The following PALLD variants were observed in gnomAD, a reference collection of about 807,000 sequenced individuals.
The protein encoded by PALLD is palladin.
Under a neutral mutation model 123.5 loss-of-function variants are expected in PALLD, and 61 were observed. The ratio of observed to expected loss-of-function variants is 0.49; its 90% confidence interval spans 0.40 to 0.61. The LOEUF (loss-of-function observed/expected upper bound fraction) is 0.61. Ranked by LOEUF, PALLD falls within the 20% of genes least tolerant of loss-of-function variation. The pLI is 0.00. For missense variants in PALLD, 1,273 were observed against 1,377.0 expected, an observed-to-expected ratio of 0.92 and a Z score of 1.20; for synonymous variants, 465 against 496.4, an observed-to-expected ratio of 0.94 and a Z score of 0.84.
intron 10 of PALLD, among the ~76,000 whole-genome samples, chr4:168,767,564 C>T (rs1423907235): frequency 3.8e-5 from 5 of 131,024 alleles, no homozygotes; most frequent in East Asian, 4.3e-4. Context: ...TTTTTTTTTC[C>T]GAGACAGAGT....
intron 10 of PALLD, among the ~76,000 whole-genome samples, chr4:168,723,302 G>C (rs1786205390): frequency 6.6e-6 from 1 of 152,172 alleles, no homozygotes; most frequent in South Asian, 2.1e-4. Context: ...CTTCAAAAGA[G>C]GAACAGATAT....
chr4:168,556,111 T>C (rs1437825034), intron 2 of PALLD, among the ~76,000 whole-genome samples: 2 of 152,024 alleles, frequency 1.3e-5, no homozygotes, highest in African/African-American at 2.4e-5. Flanking sequence ...CCTTTTTTTT[T>C]TTGAGACAGA....
At chr4:168,643,866 C>T (rs981827110) in intron 2 of PALLD, among the ~76,000 whole-genome samples, 2 of 152,036 alleles carry the variant, frequency 1.3e-5, no homozygotes, top group African/African-American at 2.4e-5. Context: ...CCCTACTTCC[C>T]GATTAGGAAA....
chr4:168,617,500 T>C (rs543796149), intron 2 of PALLD, among the ~76,000 whole-genome samples: 3 of 152,214 alleles, frequency 2.0e-5, no homozygotes, highest in Admixed American at 2.0e-4. Flanking sequence ...AGAACAAGAC[T>C]AGGGGCCGGC....
chr4:168,615,743 G>T (rs1051059059), intron 2 of PALLD, among the ~76,000 whole-genome samples: 2 of 152,070 alleles, frequency 1.3e-5, no homozygotes, highest in African/African-American at 4.8e-5. Flanking sequence ...TATCTTTGAG[G>T]TATCACTCAC....
chr4:168,861,767 C>T (rs1275198371), intron 10 of PALLD, among the ~76,000 whole-genome samples: 1 of 152,004 alleles, frequency 6.6e-6, no homozygotes, highest in Non-Finnish European at 1.5e-5. Flanking sequence ...TTGATCCTCC[C>T]ATCTCAGCCT....
chr4:168,638,311 G>C (rs955002539), intron 2 of PALLD, among the ~76,000 whole-genome samples: 3 of 152,180 alleles, frequency 2.0e-5, no homozygotes, highest in African/African-American at 7.2e-5. Flanking sequence ...AACCAAGGCT[G>C]TCTCAAGGCA....
At chr4:168,774,991 C>T (rs766206000) in intron 10 of PALLD, among the ~76,000 whole-genome samples, 113 of 152,018 alleles carry the variant, frequency 7.4e-4, no homozygotes, top group Middle Eastern at 6.8e-3. Context: ...TACCTCATTC[C>T]TTTTTATTGC....
At chr4:168,912,853 T>A (rs1759266663) in intron 15 of PALLD, among the ~76,000 whole-genome samples, 1 of 152,174 alleles carries the variant, frequency 6.6e-6, no homozygotes, top group Non-Finnish European at 1.5e-5. Context: ...ATTAACCAAC[T>A]TCTGGCTATC....
chr4:168,606,059 A>G (rs1360176896), intron 2 of PALLD, among the ~76,000 whole-genome samples: 1 of 152,180 alleles, frequency 6.6e-6, no homozygotes, highest in African/African-American at 2.4e-5. Context: ...ATATTCCTAT[A>G]AGTAGTCCTC....
intron 10 of PALLD, among the ~76,000 whole-genome samples, chr4:168,819,922 A>G (rs967705969): frequency 3.3e-5 from 5 of 152,260 alleles, no homozygotes; most frequent in African/African-American, 9.6e-5. Context: ...AGGGTCTCAT[A>G]AAGAGTTAAT....
chr4:168,636,942 G>T (rs1218544958), intron 2 of PALLD, among the ~76,000 whole-genome samples: 6 of 152,054 alleles, frequency 3.9e-5, no homozygotes, highest in African/African-American at 1.4e-4. Flanking sequence ...ATCTGAAGTA[G>T]GAGAGGAGAG....
At chr4:168,753,503 C>T (rs1428671799) in intron 10 of PALLD, among the ~76,000 whole-genome samples, 1 of 152,064 alleles carries the variant, frequency 6.6e-6, no homozygotes, top group Non-Finnish European at 1.5e-5. Flanking sequence ...TGAATCTTGT[C>T]TCCTGGTATT....
chr4:168,814,604 G>A (rs1015794560), intron 10 of PALLD, among the ~76,000 whole-genome samples: 7 of 152,178 alleles, frequency 4.6e-5, no homozygotes, highest in African/African-American at 1.2e-4. Flanking sequence ...GGAGAGTGCA[G>A]GTCTCTAAGC....
intron 10 of PALLD, among the ~76,000 whole-genome samples, chr4:168,731,411 A>G (rs1466381148): frequency 6.6e-6 from 1 of 152,220 alleles, no homozygotes. Flanking sequence ...AGATGACCTT[A>G]GATAAGCTAC....
chr4:168,559,780 C>G (rs1767676483), intron 2 of PALLD, among the ~76,000 whole-genome samples: 1 of 151,918 alleles, frequency 6.6e-6, no homozygotes, highest in Non-Finnish European at 1.5e-5. Context: ...CTAGCTACTA[C>G]AGGCACCTGC....
At chr4:168,862,932 T>G (rs1042335906) in intron 10 of PALLD, among the ~76,000 whole-genome samples, 3 of 152,160 alleles carry the variant, frequency 2.0e-5, no homozygotes, top group Admixed American at 6.5e-5. Flanking sequence ...TTGCCTTCCA[T>G]GAGGGAGTGG....
intron 2 of PALLD, chr4:168,598,694 C>T: frequency 2.8e-6 from 1 of 358,354 alleles, no homozygotes; most frequent in South Asian, 2.4e-5. Context: ...CTAGGTTCCA[C>T]CTTTGTTTTG....
intron 10 of PALLD, among the ~76,000 whole-genome samples, chr4:168,722,468 G>A (rs1786116379): frequency 6.6e-6 from 1 of 152,110 alleles, no homozygotes; most frequent in South Asian, 2.1e-4. Context: ...ATGCAATGAA[G>A]GCAAGACTAA....
Sources: gnomAD v4.1 joint callset for allele counts (sites outside exome capture counted in the v4.1 genomes callset) on GRCh38, gnomAD v4.1.1 for gene constraint, MANE v1.5 for transcripts, NCBI Gene and HGNC (gene_info 2026-07-23, HGNC 2026-07-21) for gene names.